The following IFNGR1 variants were observed in gnomAD, a reference collection of about 807,000 sequenced individuals.
IFNGR1 encodes the protein AVP, type 2.
A neutral mutation model predicts 35.4 loss-of-function variants in IFNGR1; 23 were observed. The observed-to-expected ratio is 0.65, with a 90% CI of 0.47 to 0.92. IFNGR1 has a LOEUF of 0.92. Ranked by LOEUF, IFNGR1 falls within the 40% of genes least tolerant of loss-of-function variation. The pLI is 0.00. For synonymous variants in IFNGR1, 199 were observed against 209.5 expected (o/e 0.95, Z 0.43); for missense variants, 533 against 583.4 (o/e 0.91, Z 0.89).
At chr6:137,199,540 AT>A (rs1779220130) in intron 6 of IFNGR1, among the ~76,000 whole-genome samples, 41 of 102,160 alleles carry the variant, frequency 4.0e-4, no homozygotes, top group Admixed American at 8.1e-4. Context: ...TATATAATAT[AT>A]ATTATATAAC....
At chr6:137,210,214 G>A (rs1319304855) in intron 1 of IFNGR1, among the ~76,000 whole-genome samples, 1 of 151,950 alleles carries the variant, frequency 6.6e-6, no homozygotes, top group African/African-American at 2.4e-5. Flanking sequence ...TGTAGTTTCA[G>A]CTACTCGGGA....
At chr6:137,218,429 A>AAACCC (rs1163972507) in intron 1 of IFNGR1, 1 of 1,182,076 alleles carries the variant, frequency 8.5e-7, no homozygotes, top group East Asian at 5.7e-5. Context: ...TCCGAAGAAC[A>AAACCC]AACCCGTACG....
chr6:137,205,648 T>TG (rs1331172213), intron 3 of IFNGR1, among the ~76,000 whole-genome samples: 11 of 152,112 alleles, frequency 7.2e-5, no homozygotes, highest in Non-Finnish European at 1.2e-4. Flanking sequence ...GCAAGGGTGG[T>TG]GCAGGGGACC....
chr6:137,205,029 T>C (rs1213231021), intron 3 of IFNGR1, among the ~76,000 whole-genome samples: 1 of 152,226 alleles, frequency 6.6e-6, no homozygotes, highest in Non-Finnish European at 1.5e-5. Context: ...TATTACTGTG[T>C]ACCACTGTGT....
Position 137,204,491 on chromosome 6 carries a change from T to C in IFNGR1, c.387A>G (p.Pro129=). 6.2e-7 allele frequency: 1 copy of C among 1,613,486 alleles called. No individual in the cohort carries two copies. Among genetic ancestry groups the C allele is most frequent in the Non-Finnish European group, 8.5e-7 (1 of 1,179,438 alleles). The part of the protein sequence containing the change: ...FAVCRDGKIG[P]PKLDIRKEEK... The stretch of plus-strand genomic sequence containing the variant: ...CCTCCTTTCTGATATCCAGTTTAGG[T>C]GGTCCAATTTTTCCTGGGGAAGGAG... Residue 129 remains proline (P), a synonymous_variant, in exon 4 of 7, where the codon CCA becomes CCG. Coordinates refer to ENST00000367739, the MANE Select transcript of IFNGR1 (RefSeq NM_000416.3).
intron 1 of IFNGR1, among the ~76,000 whole-genome samples, chr6:137,207,650 C>G (rs1779471740): frequency 6.6e-6 from 1 of 152,156 alleles, no homozygotes; most frequent in South Asian, 2.1e-4. Flanking sequence ...TTGCTTCGTC[C>G]TCATTTTCTC....
intron 6 of IFNGR1, among the ~76,000 whole-genome samples, chr6:137,200,405 T>A (rs988773159): frequency 1.3e-5 from 2 of 152,200 alleles, no homozygotes; most frequent in African/African-American, 4.8e-5. Context: ...ATGAAGTGTT[T>A]CTGTATTTGC....
intron 1 of IFNGR1, among the ~76,000 whole-genome samples, chr6:137,207,534 C>A (rs182053349): frequency 5.0e-4 from 76 of 152,196 alleles, no homozygotes; most frequent in Non-Finnish European, 9.7e-4. Context: ...GTGGCTTGGA[C>A]CCAGGGAGAG....
rs748478456 is a variant in IFNGR1 at position 137,198,485 on chromosome 6, T to C, written c.1016A>G (p.Asn339Ser). The change falls in exon 7 of 7, where the codon AAT (asparagine) becomes AGT (serine). Residue 339 changes from asparagine to serine, a missense_variant. Transcript: ENST00000367739. ...ATVPGMHTED[N>S]PGKVEHTEEL... ...TTCTGTATGTTCCACTTTTCCTGGA[T>C]TGTCTTCGGTATGCATGCCTGGAAC... is the stretch of plus-strand genomic sequence containing the variant. 6 of 1,614,158 alleles carry C rather than the reference T, an allele frequency of 3.7e-6. No individual in the cohort carries two copies. Among genetic ancestry groups the C allele is most frequent in the Non-Finnish European group, 5.1e-6 (6 of 1,180,026 alleles).
chr6:137,203,891 T>C (rs550455632), intron 4 of IFNGR1, among the ~76,000 whole-genome samples: 1 of 152,334 alleles, frequency 6.6e-6, no homozygotes, highest in South Asian at 2.1e-4. Flanking sequence ...CTTATAAAAA[T>C]GGTAAATTTA....
chr6:137,216,812 C>T (rs149151360), intron 1 of IFNGR1, among the ~76,000 whole-genome samples: 1 of 152,252 alleles, frequency 6.6e-6, no homozygotes, highest in East Asian at 1.9e-4. Context: ...AAAAGCAAGG[C>T]CGGGGTGCTT....
chr6:137,213,592 A>G (rs1205859223), intron 1 of IFNGR1, among the ~76,000 whole-genome samples: 2 of 152,242 alleles, frequency 1.3e-5, no homozygotes, highest in East Asian at 3.8e-4. Flanking sequence ...GATATGAAAA[A>G]AGAGAGACAA....
At chr6:137,206,608 A>C in intron 2 of IFNGR1, 1 of 395,720 alleles carries the variant, frequency 2.5e-6, no homozygotes, top group South Asian at 3.8e-5. Context: ...ATATATGTTA[A>C]TTATAGAAGT....
intron 6 of IFNGR1, among the ~76,000 whole-genome samples, chr6:137,199,602 G>C (rs1361263805): frequency 1.1e-5 from 1 of 93,564 alleles, no homozygotes; most frequent in Non-Finnish European, 2.1e-5. Flanking sequence ...TTATATAAAG[G>C]GGAGTTTATT....
At chr6:137,205,781 GTATCCCA>G (rs1173446684) in intron 3 of IFNGR1, among the ~76,000 whole-genome samples, 2 of 152,298 alleles carry the variant, frequency 1.3e-5, no homozygotes, top group East Asian at 3.9e-4. Flanking sequence ...TACAGGTTGA[GTATCCCA>G]TATCCAAAAC....
At chr6:137,215,255 G>A (rs887732862) in intron 1 of IFNGR1, 16 of 1,544,798 alleles carry the variant, frequency 1.0e-5, no homozygotes, top group Admixed American at 4.0e-5. Flanking sequence ...AATAAAATAA[G>A]GGGTAAATTA....
Position 137,197,884 on chromosome 6 carries a change from C to T in IFNGR1, c.*147G>A. 1 of 1,033,850 alleles carries T rather than the reference C, an allele frequency of 9.7e-7. No individual in the cohort carries two copies. The highest frequency in any genetic ancestry group is 1.4e-6 in the Non-Finnish European group (1 of 697,210). 64.0% of individuals were successfully genotyped at this position (1,033,850 alleles called of 1,614,324 possible). A position where few individuals can be genotyped will look rare whatever the true frequency, so the allele number is the denominator to read the frequency against. On this transcript the variant is annotated 3_prime_UTR_variant, in exon 7 of 7. Transcript: ENST00000367739. ...GCCAAAAGTGAAAATGCCACACATCCTCTTTACGCTTTCATGTACACTAAG... is the reference window on the plus strand; with the variant it reads ...GCCAAAAGTGAAAATGCCACACATCTTCTTTACGCTTTCATGTACACTAAG...
At chr6:137,199,556 A>AATATATAATATATT in intron 6 of IFNGR1, among the ~76,000 whole-genome samples, 1 of 80,064 alleles carries the variant, frequency 1.2e-5, no homozygotes, top group African/African-American at 4.7e-5. Context: ...TATAACATAT[A>AATATATAATATATT]AAATATATAT....
intron 1 of IFNGR1, chr6:137,215,355 T>C (rs1029505179): frequency 1.3e-6 from 2 of 1,538,426 alleles, no homozygotes; most frequent in African/African-American, 1.4e-5. Context: ...TTTTATTACA[T>C]TATCACAATT....
Sources: allele counts gnomAD v4.1 joint callset (sites outside exome capture counted in the v4.1 genomes callset), GRCh38; gene constraint gnomAD v4.1.1; transcripts MANE v1.5; gene names NCBI Gene and HGNC (gene_info 2026-07-23, HGNC 2026-07-21).